GTF2E1: variants seen among roughly 807,000 people sequenced by gnomAD.
The protein encoded by GTF2E1 is TFIIE alpha subunit.
Under a neutral mutation model 34.9 loss-of-function variants are expected in GTF2E1, and 14 were observed. The observed-to-expected ratio is 0.40, with a 90% confidence interval of 0.27 to 0.63. GTF2E1 has a LOEUF of 0.63. Ranked by LOEUF, GTF2E1 falls within the 20% of genes least tolerant of loss-of-function variation. GTF2E1 has a pLI of 0.39. For missense variants in GTF2E1, 469 were observed against 557.7 expected, an observed-to-expected ratio of 0.84 and a Z score of 1.60; for synonymous variants, 188 against 192.9, an observed-to-expected ratio of 0.97 and a Z score of 0.21.
intron 2 of GTF2E1, among the ~76,000 whole-genome samples, chr3:120,761,620 G>A (rs1425200632): frequency 6.6e-6 from 1 of 152,006 alleles, no homozygotes; most frequent in Non-Finnish European, 1.5e-5. Context: ...GATATGTTGT[G>A]TCTTTGTTCT....
At chr3:120,772,356 C>A (rs1709360784) in intron 3 of GTF2E1, among the ~76,000 whole-genome samples, 1 of 152,160 alleles carries the variant, frequency 6.6e-6, no homozygotes, top group Admixed American at 6.6e-5. Context: ...TCCCAGAGTT[C>A]TTTGGAGCAA....
intron 3 of GTF2E1, 51 bp from the exon 4 acceptor site, chr3:120,776,372 C>G: frequency 6.5e-7 from 1 of 1,549,790 alleles, no homozygotes. Flanking sequence ...TTTTCCAACA[C>G]CAAGACATTA....
At chr3:120,766,442 C>G (rs1029088638) in intron 2 of GTF2E1, among the ~76,000 whole-genome samples, 2 of 152,098 alleles carry the variant, frequency 1.3e-5, no homozygotes, top group Admixed American at 6.6e-5. Flanking sequence ...TATGGTCACC[C>G]CAGTTTATCT....
chr3:120,757,177 T>C (rs891397475), intron 2 of GTF2E1, among the ~76,000 whole-genome samples: 3 of 152,186 alleles, frequency 2.0e-5, no homozygotes, highest in Admixed American at 2.0e-4. Context: ...TATTCATCCA[T>C]GTACCATACT....
rs193257096 is a variant in GTF2E1 at position 120,765,604 on chromosome 3, G to A, written c.449-5124G>A. On this transcript the variant is annotated intron_variant, in intron 2 of 4. Transcript: ENST00000283875. ...TTAGTCTTTTGAGACAGAAAGATTT[G>A]TATTTGAATCCAAGTTTAGTGATTT... Among the ~76,000 whole-genome samples, 1,437 of 152,264 alleles carry A rather than the reference G, an allele frequency of 9.4e-3. 11 individuals carry two copies. Among genetic ancestry groups the A allele is most frequent in the Admixed American group, 0.016 (243 of 15,294 alleles).
At chr3:120,764,608 A>G (rs967777835) in intron 2 of GTF2E1, among the ~76,000 whole-genome samples, 10 of 152,204 alleles carry the variant, frequency 6.6e-5, no homozygotes, top group African/African-American at 1.2e-4. Flanking sequence ...TTCATTTTAT[A>G]TACTGGACTG....
chr3:120,750,433 CTT>C, intron 1 of GTF2E1, 88 bp from the exon 2 acceptor site: 1 of 748,426 alleles, frequency 1.3e-6, no homozygotes, highest in South Asian at 1.8e-5. Context: ...TTTTTAAACA[CTT>C]TGGGTACTTT....
At chr3:120,763,017 GCT>G (rs1427598497) in intron 2 of GTF2E1, among the ~76,000 whole-genome samples, 1 of 152,104 alleles carries the variant, frequency 6.6e-6, no homozygotes, top group African/African-American at 2.4e-5. Flanking sequence ...TAGAAAATAT[GCT>G]CTGTTTACAT....
At chr3:120,742,939 A>G (rs1336756602) in intron 1 of GTF2E1, 145 bp downstream of exon 1, 2 of 207,902 alleles carry the variant, frequency 9.6e-6, no homozygotes, top group Non-Finnish European at 2.0e-5. Flanking sequence ...CCAAAGAACC[A>G]TTGACCCCGG....
chr3:120,757,925 G>A (rs1268277268), intron 2 of GTF2E1, among the ~76,000 whole-genome samples: 1 of 152,198 alleles, frequency 6.6e-6, no homozygotes, highest in African/African-American at 2.4e-5. Flanking sequence ...CACTTTGGGA[G>A]GCCGAGGTGG....
intron 2 of GTF2E1, among the ~76,000 whole-genome samples, chr3:120,752,519 G>A (rs1034784794): frequency 6.6e-6 from 1 of 152,134 alleles, no homozygotes; most frequent in Non-Finnish European, 1.5e-5. Context: ...TGTCATTTGA[G>A]TCATATTAAT....
chr3:120,761,548 G>C (rs938036398), intron 2 of GTF2E1, among the ~76,000 whole-genome samples: 1 of 152,034 alleles, frequency 6.6e-6, no homozygotes, highest in African/African-American at 2.4e-5. Flanking sequence ...GCTTTCTCTT[G>C]TGGGCATTTA....
intron 2 of GTF2E1, among the ~76,000 whole-genome samples, chr3:120,752,469 TTAGAG>T (rs1282178390): frequency 6.6e-6 from 1 of 152,220 alleles, no homozygotes; most frequent in African/African-American, 2.4e-5. Context: ...ATCCAGTCCC[TTAGAG>T]TAATCTAAAA....
At chr3:120,743,843 G>A (rs1709080124) in intron 1 of GTF2E1, among the ~76,000 whole-genome samples, 1 of 152,160 alleles carries the variant, frequency 6.6e-6, no homozygotes, top group Non-Finnish European at 1.5e-5. Context: ...GAGGGCAGAG[G>A]GTGCCTTCTT....
At chr3:120,761,503 T>G (rs975910487) in intron 2 of GTF2E1, among the ~76,000 whole-genome samples, 1 of 152,188 alleles carries the variant, frequency 6.6e-6, no homozygotes, top group Non-Finnish European at 1.5e-5. Context: ...GTTCTTTTAA[T>G]TGTGATGTTA....
chr3:120,770,664 G>A, intron 2 of GTF2E1, 64 bp from the exon 3 acceptor site: 1 of 1,090,240 alleles, frequency 9.2e-7, no homozygotes, highest in East Asian at 2.4e-5. Flanking sequence ...ATTGGGGGAG[G>A]GTGGAGGTAT....
Position 120,770,838 on chromosome 3 carries a change from A to C in GTF2E1, c.559A>C (p.Ile187Leu). 1.9e-6 allele frequency: 3 copies of C among 1,613,706 alleles called. 1 individual carries two copies. The highest frequency in any genetic ancestry group is 2.2e-5 in the South Asian group (2 of 91,082). Residue 187 changes from isoleucine (I) to leucine (L), a missense_variant, in exon 3 of 5, where the codon ATT (isoleucine) becomes CTT (leucine). Physicochemically the swap from Ile to Leu is conservative, Grantham distance 5. Transcript: ENST00000283875. ...LARFNEQIEP[I>L]YALLRETEDV... Reference sequence around the variant, plus strand: ...AAGGTTTAATGAACAAATTGAGCCCATTTATGCATTGCTTCGGGAGACAGA... The same window carrying C: ...AAGGTTTAATGAACAAATTGAGCCCCTTTATGCATTGCTTCGGGAGACAGA...
rs116193218 is a variant in GTF2E1 at position 120,769,916 on chromosome 3, G to A, written c.449-812G>A. On this transcript the variant is annotated intron_variant, in intron 2 of 4. Coordinates refer to ENST00000283875, the MANE Select transcript of GTF2E1 (RefSeq NM_005513.3). ...ATAATTTACATGCTATTGGCTATGT[G>A]TGAGGGGCAGTAAAGAAAATTATTA... Among the ~76,000 whole-genome samples, 1,236 of 152,268 alleles carry A rather than the reference G, an allele frequency of 8.1e-3. 24 individuals are homozygous for A. Among genetic ancestry groups the A allele is most frequent in the African/African-American group, 0.028 (1,169 of 41,554 alleles).
chr3:120,774,745 C>G (rs1709384476), intron 3 of GTF2E1, among the ~76,000 whole-genome samples: 1 of 151,612 alleles, frequency 6.6e-6, no homozygotes, highest in Non-Finnish European at 1.5e-5. Flanking sequence ...AGTGAGGAGG[C>G]AAAAGAAGTG....
Sources: gnomAD v4.1 joint callset for allele counts (sites outside exome capture counted in the v4.1 genomes callset) on GRCh38, gnomAD v4.1.1 for gene constraint, MANE v1.5 for transcripts, NCBI Gene and HGNC (gene_info 2026-07-23, HGNC 2026-07-21) for gene names.